C3orf18: variants seen among roughly 807,000 people sequenced by gnomAD.
The protein encoded by C3orf18 is chromosome 3 open reading frame 18.
A neutral mutation model predicts 14.1 loss-of-function variants in C3orf18; 12 were observed. That is an observed-to-expected ratio of 0.85 (90% CI 0.55 to 1.38). The LOEUF (loss-of-function observed/expected upper bound fraction) is 1.38, where lower values mean the gene tolerates loss of function less well. C3orf18 is among the 40% of genes most tolerant of loss of function. The probability of loss-of-function intolerance (pLI) is 0.00; values close to 1 mark genes in which losing one functional copy is unlikely to be tolerated. For synonymous variants in C3orf18, 82 were observed against 87.9 expected, an observed-to-expected ratio of 0.93 and a Z score of 0.38; for missense variants, 196 against 213.9, an observed-to-expected ratio of 0.92 and a Z score of 0.52.
chr3:50,558,742 G>A lies in C3orf18; in HGVS notation c.*915C>T, dbSNP rs1699794094. On this transcript the variant is annotated 3_prime_UTR_variant, in exon 6 of 6. Coordinates refer to ENST00000357203, the MANE Select transcript of C3orf18 (RefSeq NM_016210.5). ...ATGCAGTGGAGAGAGGAACCGTGCTGTGCGTGCTTCCCTCTTCCCTGCAGT... is the reference window on the plus strand; with the variant it reads ...ATGCAGTGGAGAGAGGAACCGTGCTATGCGTGCTTCCCTCTTCCCTGCAGT... 7.8e-7 allele frequency: 1 copy of A among 1,289,720 alleles called. No homozygotes were observed. Among genetic ancestry groups the A allele is most frequent in the African/African-American group, 1.5e-5 (1 of 65,856 alleles). The allele number at this position is 1,289,720 out of a possible 1,614,324, so 79.9% of individuals were successfully genotyped here.
chr3:50,574,685 G>A (rs1458625201), upstream of C3orf18, among the ~76,000 whole-genome samples: 3 of 152,134 alleles, frequency 2.0e-5, no homozygotes, highest in Non-Finnish European at 2.9e-5. Context: ...GCCCTATACT[G>A]CTCACTCTGT....
upstream of C3orf18, among the ~76,000 whole-genome samples, chr3:50,568,722 T>C (rs1700546109): frequency 3.0e-5 from 1 of 32,860 alleles, no homozygotes; most frequent in Admixed American, 2.7e-4. Flanking sequence ...CAAAACTCCG[T>C]CTCAAAAAAA....
rs1278667890 is a variant in C3orf18 at position 50,558,767 on chromosome 3, TC to T, written c.*889del. The T allele has an allele frequency of 7.8e-7, 1 of 1,289,732 alleles. No homozygotes were observed. The highest frequency in any genetic ancestry group is 1.5e-5 in the African/African-American group (1 of 65,862). 79.9% of individuals were successfully genotyped at this position (1,289,732 alleles called of 1,614,324 possible). A position where few individuals can be genotyped will look rare whatever the true frequency, so the allele number is the denominator to read the frequency against. ...GTGCGTGCTTCCCTCTTCCCTGCAG[TC>T]CCTGAAGATTGAAGGCAGAGAAGAT... On this transcript the variant is annotated 3_prime_UTR_variant, in exon 6 of 6. Transcript: ENST00000357203.
rs762441501 is a variant in C3orf18, at chr3:50,560,974, A to G, written c.351T>C (p.His117=). The G allele has an allele frequency of 6.2e-7, 1 of 1,614,154 alleles. No individual in the cohort carries two copies. The highest frequency in any genetic ancestry group is 8.5e-7 in the Non-Finnish European group (1 of 1,179,998). The part of the protein sequence containing the change: ...QDELEQELLE[H]GRDAASVQAA... ...CCTGTACAGAGGCGGCGTCCCGCCCATGCTCCAGCAGCTCCTGCTCCAACT... is the reference window on the plus strand; with the variant it reads ...CCTGTACAGAGGCGGCGTCCCGCCCGTGCTCCAGCAGCTCCTGCTCCAACT... Residue 117 remains histidine, a synonymous_variant, in exon 5 of 6, where the codon CAT becomes CAC. Transcript: ENST00000357203.
chr3:50,571,572 A>G, upstream of C3orf18: 1 of 843,048 alleles, frequency 1.2e-6, no homozygotes, highest in Non-Finnish European at 2.0e-6. Flanking sequence ...CTTAGGCAGG[A>G]TGCTGCCCCC....
rs1700261973 is a variant in C3orf18, at chr3:50,565,871, A to G, written c.-162-10T>C. 8.3e-6 allele frequency: 5 copies of G among 598,936 alleles called. No individual in the cohort carries two copies. In the Admixed American group the frequency reaches 1.5e-4, roughly 18 times the overall value. 37.1% of individuals were successfully genotyped at this position (598,936 alleles called of 1,614,324 possible). ...CCTGCCTTCCTGGGTGCTAGAAAGGAAAGAATAAGAAACATGAGGCTAAGG... is the reference window on the plus strand; with the variant it reads ...CCTGCCTTCCTGGGTGCTAGAAAGGGAAGAATAAGAAACATGAGGCTAAGG... On this transcript the variant is annotated splice_polypyrimidine_tract_variant and intron_variant, in intron 2 of 5. Coordinates refer to ENST00000357203, the MANE Select transcript of C3orf18 (RefSeq NM_016210.5). This position sits in a 1 kb window ranked among gnomAD's most constrained non-coding sequence, Gnocchi z 4.4.
At chr3:50,572,281 T>A, upstream of C3orf18, 1 of 1,546,706 alleles carries the variant, frequency 6.5e-7, no homozygotes. Flanking sequence ...ACCCCAGGCT[T>A]CCTCCAGGGG....
At position 50,558,820 on chromosome 3, in the gene C3orf18, C is replaced by A. The variant is rs190105437; in HGVS notation, c.*837G>T. 6 of 1,289,874 alleles carry A rather than the reference C, an allele frequency of 4.7e-6. No homozygotes were observed. The South Asian group carries it at 6.2e-5, about 13-fold the overall frequency. 79.9% of individuals were successfully genotyped at this position (1,289,874 alleles called of 1,614,324 possible). On this transcript the variant is annotated 3_prime_UTR_variant, in exon 6 of 6. Transcript: ENST00000357203. ...GCCTACCCTGATGCTCCACTACATACCATGGGGTAGAGGTCGACTTGGAGG... is the reference window on the plus strand; with the variant it reads ...GCCTACCCTGATGCTCCACTACATAACATGGGGTAGAGGTCGACTTGGAGG...
upstream of C3orf18, among the ~76,000 whole-genome samples, chr3:50,568,425 G>T (rs937376086): frequency 4.6e-5 from 7 of 152,124 alleles, no homozygotes; most frequent in Non-Finnish European, 1.0e-4. Flanking sequence ...CAGGGAAACA[G>T]CATGTTTAAT....
intron 4 of C3orf18, 136 bp from the exon 5 acceptor site, chr3:50,561,200 G>GA: frequency 1.0e-6 from 1 of 985,252 alleles, no homozygotes. Flanking sequence ...CTTGAAATGG[G>GA]AAAAAATGAC....
At chr3:50,574,254 G>A (rs571108718), upstream of C3orf18, among the ~76,000 whole-genome samples, 7 of 152,322 alleles carry the variant, frequency 4.6e-5, no homozygotes, top group East Asian at 1.9e-4. Context: ...TAGTCTTGCC[G>A]AAAGAGCCAC....
chr3:50,567,920 A>C (rs1700463225), upstream of C3orf18, among the ~76,000 whole-genome samples: 1 of 152,226 alleles, frequency 6.6e-6, no homozygotes, highest in Admixed American at 6.5e-5. Flanking sequence ...CCTGCGCCGA[A>C]GTTGGGCGGA....
intron 5 of C3orf18, among the ~76,000 whole-genome samples, chr3:50,560,224 C>A (rs192957444): frequency 6.6e-6 from 1 of 152,290 alleles, no homozygotes; most frequent in East Asian, 1.9e-4. Context: ...CTTTCTGAGC[C>A]CAAGAAGACG....
upstream of C3orf18, chr3:50,572,235 G>T (rs1701077710): frequency 6.2e-7 from 1 of 1,604,788 alleles, no homozygotes; most frequent in East Asian, 2.3e-5. Flanking sequence ...GGCAAGGCAG[G>T]ATCAGGATGA....
In C3orf18 at chr3:50,565,908, G is replaced by A; in HGVS notation, c.-162-47C>T. The stretch of plus-strand genomic sequence containing the variant: ...ACATGAGGCTAAGGACAGGGGCTCA[G>A]TAGTGAGATGAAGTCTCTCTAGGTT... On this transcript the variant is annotated intron_variant, in intron 2 of 5. Coordinates refer to ENST00000357203, the MANE Select transcript of C3orf18 (RefSeq NM_016210.5). The surrounding 1 kb of genome is among the most constrained non-coding windows in gnomAD (Gnocchi z 4.4). The A allele has an allele frequency of 3.4e-6, 2 of 582,898 alleles. No homozygotes were observed. Among genetic ancestry groups the A allele is most frequent in the South Asian group, 4.1e-5 (2 of 48,580 alleles). The allele number at this position is 582,898 out of a possible 1,614,324, so 36.1% of individuals were successfully genotyped here. A position where few individuals can be genotyped will look rare whatever the true frequency, so the allele number is the denominator to read the frequency against.
upstream of C3orf18, chr3:50,571,704 G>T: frequency 6.2e-7 from 1 of 1,613,954 alleles, no homozygotes; most frequent in Non-Finnish European, 8.5e-7. Flanking sequence ...TTCTCTGTGG[G>T]GACAGTTTCA....
chr3:50,571,798 A>G (rs988659372), upstream of C3orf18: 1 of 1,613,782 alleles, frequency 6.2e-7, no homozygotes, highest in Non-Finnish European at 8.5e-7. Context: ...CGTCGATTGC[A>G]GAGGTGAGCA....
At chr3:50,574,407 G>T (rs1701349962), upstream of C3orf18, among the ~76,000 whole-genome samples, 1 of 152,170 alleles carries the variant, frequency 6.6e-6, no homozygotes, top group Admixed American at 6.5e-5. Flanking sequence ...CAAACAAGAG[G>T]CCACTAGTGG....
At chr3:50,572,296 T>C, upstream of C3orf18, 1 of 1,464,920 alleles carries the variant, frequency 6.8e-7, no homozygotes, top group Non-Finnish European at 9.3e-7. Context: ...CAGGGGGCAC[T>C]GGGGCCCCAT....
Sources: allele counts gnomAD v4.1 joint callset (sites outside exome capture counted in the v4.1 genomes callset), GRCh38; gene constraint gnomAD v4.1.1; non-coding constraint Gnocchi (gnomAD v3.1); transcripts MANE v1.5; gene names NCBI Gene and HGNC (gene_info 2026-07-23, HGNC 2026-07-21).